Variants in CENPP observed in about 807,000 individuals in gnomAD.
CENPP encodes the protein centromere protein P.
In CENPP, 24 loss-of-function variants were observed where a neutral mutation model predicts 35.6. That is an observed-to-expected ratio of 0.67 (90% CI 0.49 to 0.95). The LOEUF is 0.95. CENPP is among the 40% of genes least tolerant of loss of function. The pLI is 0.00. For missense variants in CENPP, 332 were observed against 345.3 expected, an observed-to-expected ratio of 0.96 and a Z score of 0.31; for synonymous variants, 120 against 125.5, an observed-to-expected ratio of 0.96 and a Z score of 0.29.
intron 5 of CENPP, among the ~76,000 whole-genome samples, chr9:92,516,076 C>T (rs1261062741): frequency 6.7e-6 from 1 of 149,594 alleles, no homozygotes; most frequent in Admixed American, 6.6e-5. Context: ...TTTTTTTCCC[C>T]CCCCCGAGAC....
At chr9:92,403,870 G>T in intron 5 of CENPP, 1 of 202,330 alleles carries the variant, frequency 4.9e-6, no homozygotes, top group Non-Finnish European at 8.8e-6. Context: ...ATTTATATTG[G>T]TATGAACAGA....
intron 5 of CENPP, among the ~76,000 whole-genome samples, chr9:92,549,111 G>A (rs911159262): frequency 1.3e-5 from 2 of 152,258 alleles, no homozygotes. Flanking sequence ...ATTTTCTCAC[G>A]TGGACGGTTT....
intron 5 of CENPP, among the ~76,000 whole-genome samples, chr9:92,387,003 G>A (rs1035764119): frequency 7.1e-6 from 1 of 140,522 alleles, no homozygotes; most frequent in African/African-American, 2.7e-5. Flanking sequence ...AGCTGAGATC[G>A]CACCACTGTA....
intron 5 of CENPP, among the ~76,000 whole-genome samples, chr9:92,436,789 G>A (rs1285511074): frequency 3.9e-5 from 6 of 152,030 alleles, no homozygotes; most frequent in Admixed American, 3.3e-4. Flanking sequence ...TAGTTATATT[G>A]TAAGTCTTGA....
intron 5 of CENPP, chr9:92,466,359 C>T (rs1320980204): frequency 1.3e-6 from 2 of 1,588,502 alleles, no homozygotes; most frequent in South Asian, 1.1e-5. Flanking sequence ...AAAACTTACC[C>T]AAAACGTGTA....
Position 92,609,027 on chromosome 9 carries a change from G to A in CENPP, c.565-2287G>A, listed in dbSNP as rs529221693. Among the ~76,000 whole-genome samples the A allele has an allele frequency of 5.3e-5, 8 of 152,370 alleles. No individual in the cohort carries two copies. The East Asian group carries it at 1.2e-3, about 22-fold the overall frequency. On this transcript the variant is annotated intron_variant, in intron 5 of 7. Coordinates refer to ENST00000375587, the MANE Select transcript of CENPP (RefSeq NM_001012267.3). ...GCCAGCCTGGAAGCTGAGCTGCCAC[G>A]TTCACAGGCTCTCCCTTACGGTCCT...
intron 1 of CENPP, among the ~76,000 whole-genome samples, chr9:92,330,963 T>C (rs1171660431): frequency 6.6e-6 from 1 of 152,166 alleles, no homozygotes; most frequent in African/African-American, 2.4e-5. Flanking sequence ...GTGCTGGGAT[T>C]GCAGGCGTGA....
At chr9:92,351,154 A>G (rs1217824332) in intron 4 of CENPP, among the ~76,000 whole-genome samples, 1 of 152,210 alleles carries the variant, frequency 6.6e-6, no homozygotes, top group Non-Finnish European at 1.5e-5. Flanking sequence ...TATGTTGTAC[A>G]ACCATCACCA....
At chr9:92,505,456 T>C in intron 5 of CENPP, 1 of 1,252,552 alleles carries the variant, frequency 8.0e-7, no homozygotes, top group Non-Finnish European at 1.1e-6. Flanking sequence ...ATCACAATAG[T>C]CTTAAAATAT....
chr9:92,452,277 A>G (rs943103601), intron 5 of CENPP, among the ~76,000 whole-genome samples: 15 of 152,078 alleles, frequency 9.9e-5, no homozygotes, highest in Non-Finnish European at 1.8e-4. Flanking sequence ...CGTCCCATCA[A>G]TACCTAATTT....
chr9:92,433,154 G>A (rs1844160439), intron 5 of CENPP, among the ~76,000 whole-genome samples: 1 of 152,180 alleles, frequency 6.6e-6, no homozygotes, highest in Non-Finnish European at 1.5e-5. Flanking sequence ...GAGTTATTGG[G>A]AAGTCCAAGA....
chr9:92,511,444 A>G (rs1847337757), intron 5 of CENPP, among the ~76,000 whole-genome samples: 1 of 150,602 alleles, frequency 6.6e-6, no homozygotes, highest in Admixed American at 6.6e-5. Flanking sequence ...TTTTTTTTAA[A>G]TATATAATTA....
intron 5 of CENPP, among the ~76,000 whole-genome samples, chr9:92,532,052 G>T: frequency 4.3e-5 from 3 of 69,172 alleles, no homozygotes; most frequent in South Asian, 3.8e-4. Flanking sequence ...TTTGAGATGA[G>T]GTCTCACTAT....
chr9:92,496,605 G>T, intron 5 of CENPP: 1 of 1,219,266 alleles, frequency 8.2e-7, no homozygotes, highest in Non-Finnish European at 1.1e-6. Context: ...TTATAGACCA[G>T]AATAAATTCC....
At chr9:92,574,902 T>C (rs373031104) in intron 5 of CENPP, among the ~76,000 whole-genome samples, 7 of 152,186 alleles carry the variant, frequency 4.6e-5, no homozygotes, top group African/African-American at 1.7e-4. Flanking sequence ...GAGTCCAAAA[T>C]GAACCCACCC....
intron 5 of CENPP, among the ~76,000 whole-genome samples, chr9:92,437,953 A>G (rs1267937836): frequency 6.6e-6 from 1 of 150,546 alleles, no homozygotes; most frequent in Non-Finnish European, 1.5e-5. Flanking sequence ...GACCACAGGC[A>G]TGTGCCTCCA....
chr9:92,496,440 C>A, intron 5 of CENPP: 1 of 1,608,280 alleles, frequency 6.2e-7, no homozygotes, highest in South Asian at 1.1e-5. Context: ...AGATTTGAGT[C>A]ATCATCCTCT....
intron 5 of CENPP, among the ~76,000 whole-genome samples, chr9:92,417,867 C>T (rs1843666409): frequency 2.0e-5 from 3 of 151,994 alleles, no homozygotes; most frequent in Admixed American, 6.6e-5. Context: ...GCTGGGACTA[C>T]AGGTGCATGC....
chr9:92,567,369 G>GATAGATATATAGATATATATATAT (rs1554688218), intron 5 of CENPP, among the ~76,000 whole-genome samples: 1 of 104,096 alleles, frequency 9.6e-6, no homozygotes, highest in African/African-American at 2.9e-5. Flanking sequence ...AGTTACATAA[G>GATAGATATATAGATATATATATAT]ATAGATATAT....
Sources: allele counts gnomAD v4.1 joint callset (sites outside exome capture counted in the v4.1 genomes callset), GRCh38; gene constraint gnomAD v4.1.1; transcripts MANE v1.5; gene names NCBI Gene and HGNC (gene_info 2026-07-23, HGNC 2026-07-21).